RPL39L: variants seen among roughly 807,000 people sequenced by gnomAD.
RPL39L encodes the protein ribosomal protein L39 like.
For synonymous variants in RPL39L, 16 were observed against 20.1 expected, an observed-to-expected ratio of 0.80 and a Z score of 0.55; for missense variants, 48 against 58.9, an observed-to-expected ratio of 0.81 and a Z score of 0.61.
At chr3:187,124,282 A>G (rs1720361711) in intron 2 of RPL39L, among the ~76,000 whole-genome samples, 1 of 152,220 alleles carries the variant, frequency 6.6e-6, no homozygotes. Context: ...TACACACTTC[A>G]TTCCAGAAAA....
In RPL39L at chr3:187,121,423, T is replaced by C. The variant is rs1206433492; in HGVS notation, c.-28-95A>G. On this transcript the variant is annotated intron_variant, in intron 2 of 2. Coordinates refer to ENST00000296277, the MANE Select transcript of RPL39L (RefSeq NM_052969.3). ...AATAACAAGACAAGAAAGAGGATCT[T>C]TAGTGCCACAGCGAGGGCTCATTGC... 6.3e-6 allele frequency: 8 copies of C among 1,277,582 alleles called. No individual in the cohort carries two copies. In the East Asian group the frequency reaches 1.9e-4, roughly 31 times the overall value. The allele number at this position is 1,277,582 out of a possible 1,614,324, so 79.1% of individuals were successfully genotyped here.
intron 2 of RPL39L, among the ~76,000 whole-genome samples, chr3:187,125,684 C>T (rs749208955): frequency 6.6e-6 from 1 of 151,940 alleles, no homozygotes; most frequent in Admixed American, 6.6e-5. Flanking sequence ...TCCTTCCCCA[C>T]TATATAAACC....
intron 2 of RPL39L, among the ~76,000 whole-genome samples, chr3:187,123,113 C>T (rs6444199): frequency 0.08 from 12,137 of 152,134 alleles, 1,508 homozygotes; most frequent in African/African-American, 0.27. Context: ...AATATCCAAA[C>T]TTCAGACACT....
intron 2 of RPL39L, among the ~76,000 whole-genome samples, chr3:187,122,861 C>T (rs1033789735): frequency 1.3e-5 from 2 of 152,096 alleles, no homozygotes; most frequent in African/African-American, 4.8e-5. Flanking sequence ...TTTGCTATAA[C>T]AATTTTGGAA....
intron 1 of RPL39L, among the ~76,000 whole-genome samples, chr3:187,133,177 G>A (rs996972395): frequency 9.2e-5 from 14 of 152,124 alleles, no homozygotes; most frequent in Non-Finnish European, 1.6e-4. Flanking sequence ...AGCCTCCTCG[G>A]TGGTGAAGAT....
At chr3:187,136,226 A>G (rs1486175207) in intron 1 of RPL39L, among the ~76,000 whole-genome samples, 2 of 152,254 alleles carry the variant, frequency 1.3e-5, no homozygotes, top group East Asian at 3.8e-4. Flanking sequence ...TTTCTTCACT[A>G]AAGCTAATTA....
At chr3:187,126,254 C>T (rs1034100204) in intron 2 of RPL39L, among the ~76,000 whole-genome samples, 21 of 151,652 alleles carry the variant, frequency 1.4e-4, no homozygotes, top group Non-Finnish European at 2.8e-4. Context: ...CTCTGCCTCC[C>T]GGGTTCAAGC....
intron 1 of RPL39L, among the ~76,000 whole-genome samples, chr3:187,134,425 A>G (rs1720537316): frequency 6.6e-6 from 1 of 150,824 alleles, no homozygotes; most frequent in African/African-American, 2.5e-5. Context: ...GCCTCATACG[A>G]CAAAGAATTA....
chr3:187,132,672 T>C (rs1051361917), intron 1 of RPL39L, among the ~76,000 whole-genome samples: 5 of 152,208 alleles, frequency 3.3e-5, no homozygotes, highest in African/African-American at 1.2e-4. Flanking sequence ...ATTTCAGTAA[T>C]TTGTCTTCTG....
intron 2 of RPL39L, among the ~76,000 whole-genome samples, chr3:187,125,820 G>T (rs936085479): frequency 2.7e-5 from 4 of 146,110 alleles, no homozygotes; most frequent in African/African-American, 9.9e-5. Flanking sequence ...TAAGCAATGG[G>T]ACCTAGACTG....
At chr3:187,136,644 T>C (rs1408092015) in intron 1 of RPL39L, among the ~76,000 whole-genome samples, 2 of 152,146 alleles carry the variant, frequency 1.3e-5, no homozygotes, top group Admixed American at 6.5e-5. Context: ...GTGAGTAGTT[T>C]TTTGGGTGGG....
chr3:187,135,482 G>A (rs1346988419), intron 1 of RPL39L, among the ~76,000 whole-genome samples: 1 of 152,176 alleles, frequency 6.6e-6, no homozygotes, highest in Non-Finnish European at 1.5e-5. Flanking sequence ...TTTGCCTGCT[G>A]TCATCCATGT....
chr3:187,132,332 GAA>G (rs1319321754), intron 1 of RPL39L, among the ~76,000 whole-genome samples: 1 of 151,774 alleles, frequency 6.6e-6, no homozygotes, highest in Non-Finnish European at 1.5e-5. Context: ...GATTTTTTTT[GAA>G]AAAAGTTTTG....
In RPL39L at chr3:187,126,401, C is replaced by A. The variant is rs191753230; in HGVS notation, c.-29+1598G>T. On this transcript the variant is annotated intron_variant, in intron 2 of 2. Coordinates refer to ENST00000296277, the MANE Select transcript of RPL39L (RefSeq NM_052969.3). ...CTGGTCTTGAACTCCTGACCTCAGG[C>A]GATCTGCCCGCCTCGGCCTCCCAAA... is the stretch of plus-strand genomic sequence containing the variant. Among the ~76,000 whole-genome samples the A allele has an allele frequency of 7.2e-3, 1,096 of 152,070 alleles. 11 individuals are homozygous for A. The highest frequency in any genetic ancestry group is 0.024 in the African/African-American group (1,015 of 41,500).
rs576846819 is a variant in RPL39L, at chr3:187,129,259, G to A, written c.-92-1197C>T. Among the ~76,000 whole-genome samples, 3 of 152,322 alleles carry A rather than the reference G, an allele frequency of 2.0e-5. No homozygotes were observed. The South Asian group carries it at 6.2e-4, about 32-fold the overall frequency. On this transcript the variant is annotated intron_variant, in intron 1 of 2. Transcript: ENST00000296277. ...TGAGCAGGTAGAACAACGGGTTTTA[G>A]TAGTCTAAATACATCTCCTAGGCGG...
intron 1 of RPL39L, among the ~76,000 whole-genome samples, chr3:187,132,495 A>G (rs1034979409): frequency 1.3e-5 from 2 of 152,228 alleles, no homozygotes; most frequent in Non-Finnish European, 1.5e-5. Flanking sequence ...TGATGCTGAC[A>G]GACAAAAGAA....
At chr3:187,127,769 A>C (rs1156335566) in intron 2 of RPL39L, among the ~76,000 whole-genome samples, 2 of 152,242 alleles carry the variant, frequency 1.3e-5, no homozygotes, top group Non-Finnish European at 2.9e-5. Context: ...AATTTTTCAC[A>C]AAATTAAATA....
At position 187,121,256 on chromosome 3, in the gene RPL39L, C is replaced by T; in HGVS notation, c.45G>A (p.Lys15=). 1 of 1,613,982 alleles carries T rather than the reference C, an allele frequency of 6.2e-7. No homozygotes were observed. Among genetic ancestry groups the T allele is most frequent in the Non-Finnish European group, 8.5e-7 (1 of 1,179,892 alleles). ...GGATGGGACGATTTTGCTTTTGTTT[C>T]TTGGCCAGGAATCGCTTAATGGTGA... is the stretch of plus-strand genomic sequence containing the variant. The part of the protein sequence containing the change: ...KTFTIKRFLA[K]KQKQNRPIPQ... Residue 15 remains lysine, a synonymous_variant, in exon 3 of 3, where the codon AAG becomes AAA. Coordinates refer to ENST00000296277, the MANE Select transcript of RPL39L (RefSeq NM_052969.3).
At position 187,139,307 on chromosome 3, in the gene RPL39L, T is replaced by C. The variant is rs1720647122; in HGVS notation, c.-187A>G. ...GGCGGAAAAGGCGGGCCCAGCTCCC[T>C]CAGGTCTGCGTGTCACCGACCCGAA... On this transcript the variant is annotated 5_prime_UTR_variant, in exon 1 of 3. Transcript: ENST00000296277. The C allele has an allele frequency of 6.6e-6, 1 of 152,426 alleles. No homozygotes were observed. The highest frequency in any genetic ancestry group is 6.5e-5 in the Admixed American group (1 of 15,288). The allele number at this position is 152,426 out of a possible 1,614,324, so 9.4% of individuals were successfully genotyped here.
Sources: gnomAD v4.1 joint callset for allele counts (sites outside exome capture counted in the v4.1 genomes callset) on GRCh38, gnomAD v4.1.1 for gene constraint, MANE v1.5 for transcripts, NCBI Gene and HGNC (gene_info 2026-07-23, HGNC 2026-07-21) for gene names.